RNGTT: variants seen among roughly 807,000 people sequenced by gnomAD.
RNGTT encodes RNA guanylyltransferase and 5'-phosphatase.
RNGTT carries 33 observed loss-of-function variants against 79.3 expected under a neutral mutation model. The ratio of observed to expected loss-of-function variants is 0.42; its 90% confidence interval spans 0.32 to 0.56. RNGTT has a LOEUF of 0.56. Ranked by LOEUF, RNGTT falls within the 20% of genes least tolerant of loss-of-function variation. The pLI, the probability that RNGTT is intolerant of heterozygous loss-of-function variation, is 0.17. For synonymous variants in RNGTT, 222 were observed against 235.9 expected, an observed-to-expected ratio of 0.94 and a Z score of 0.54; for missense variants, 497 against 739.1, an observed-to-expected ratio of 0.67 and a Z score of 3.80.
At chr6:88,642,028 TGAGAGA>T (rs138018201) in intron 14 of RNGTT, among the ~76,000 whole-genome samples, 1 of 149,502 alleles carries the variant, frequency 6.7e-6, no homozygotes, top group African/African-American at 2.4e-5. Context: ...CCTTGTCATT[TGAGAGA>T]GAGAGAGAGA....
At chr6:88,665,373 C>T (rs1490140943) in intron 14 of RNGTT, among the ~76,000 whole-genome samples, 1 of 152,160 alleles carries the variant, frequency 6.6e-6, no homozygotes, top group Non-Finnish European at 1.5e-5. Flanking sequence ...TCATCTTAAG[C>T]ACCTGAGGAC....
chr6:88,675,410 G>A (rs969426147), intron 14 of RNGTT, among the ~76,000 whole-genome samples: 2 of 152,142 alleles, frequency 1.3e-5, no homozygotes, highest in South Asian at 2.1e-4. Context: ...AGAAAAAGCA[G>A]GCCAGGGGTG....
At chr6:88,739,739 A>T (rs201796618) in intron 13 of RNGTT, among the ~76,000 whole-genome samples, 4 of 27,716 alleles carry the variant, frequency 1.4e-4, no homozygotes, top group African/African-American at 3.8e-4. Flanking sequence ...ATATATATAT[A>T]TATATATATA....
chr6:88,824,585 A>T (rs189905988), intron 11 of RNGTT, among the ~76,000 whole-genome samples: 11 of 152,304 alleles, frequency 7.2e-5, no homozygotes, highest in African/African-American at 2.4e-4. Flanking sequence ...GCACTACTCA[A>T]TAACCATGTT....
intron 13 of RNGTT, among the ~76,000 whole-genome samples, chr6:88,713,455 A>T (rs1286681019): frequency 1.3e-5 from 2 of 152,226 alleles, no homozygotes; most frequent in African/African-American, 4.8e-5. Flanking sequence ...GAAGGCAAAG[A>T]TGAAATGAAA....
At chr6:88,921,481 A>G (rs924529182) in intron 4 of RNGTT, among the ~76,000 whole-genome samples, 13 of 152,050 alleles carry the variant, frequency 8.5e-5, no homozygotes, top group African/African-American at 3.1e-4. Flanking sequence ...GAAGCTTGAA[A>G]CCTTTTCTAA....
intron 13 of RNGTT, among the ~76,000 whole-genome samples, chr6:88,763,515 C>T (rs73496493): frequency 0.023 from 3,542 of 152,258 alleles, 156 homozygotes; most frequent in African/African-American, 0.079. Flanking sequence ...TGTAAGGACT[C>T]CAATTTCTGT....
intron 13 of RNGTT, among the ~76,000 whole-genome samples, chr6:88,761,621 A>ACAAAAACAG (rs1409988203): frequency 3.9e-5 from 6 of 152,198 alleles, no homozygotes; most frequent in African/African-American, 1.4e-4. Context: ...GGCAAACTAT[A>ACAAAAACAG]GTCTACAGGC....
intron 13 of RNGTT, among the ~76,000 whole-genome samples, chr6:88,752,060 A>G (rs1224760694): frequency 6.6e-6 from 1 of 151,916 alleles, no homozygotes; most frequent in African/African-American, 2.4e-5. Context: ...TATGAGTTCC[A>G]TTTTCCAGAG....
intron 13 of RNGTT, among the ~76,000 whole-genome samples, chr6:88,742,218 T>A (rs1777515994): frequency 2.0e-5 from 3 of 152,116 alleles, no homozygotes; most frequent in Non-Finnish European, 4.4e-5. Context: ...GGTAGAAAGT[T>A]GAGCATTTAC....
chr6:88,923,116 C>T (rs1784213367), intron 4 of RNGTT, among the ~76,000 whole-genome samples: 1 of 152,196 alleles, frequency 6.6e-6, no homozygotes, highest in Non-Finnish European at 1.5e-5. Context: ...ACCACATCAG[C>T]AAGCACATAA....
chr6:88,820,913 A>G (rs1311669516), intron 11 of RNGTT, among the ~76,000 whole-genome samples: 1 of 152,104 alleles, frequency 6.6e-6, no homozygotes, highest in Non-Finnish European at 1.5e-5. Context: ...CACAATCCCA[A>G]CCAAAATCCC....
At chr6:88,648,471 TATA>T (rs200062814) in intron 14 of RNGTT, among the ~76,000 whole-genome samples, 135 of 147,062 alleles carry the variant, frequency 9.2e-4, no homozygotes, top group East Asian at 2.3e-3. Context: ...CTTAAAGTAT[TATA>T]ATAATAATAA....
At chr6:88,780,632 C>CAAA (rs36026829) in intron 12 of RNGTT, among the ~76,000 whole-genome samples, 7 of 150,614 alleles carry the variant, frequency 4.6e-5, no homozygotes, top group South Asian at 4.2e-4. Context: ...GGTGAGCTGT[C>CAAA]AAAAAAAAAC....
chr6:88,764,229 G>A (rs773277035), intron 13 of RNGTT, among the ~76,000 whole-genome samples: 2 of 152,126 alleles, frequency 1.3e-5, no homozygotes, highest in African/African-American at 2.4e-5. Context: ...CAGTTCTTTC[G>A]TAACAGACAA....
intron 4 of RNGTT, among the ~76,000 whole-genome samples, chr6:88,909,897 AC>A (rs1188776350): frequency 6.6e-6 from 1 of 151,914 alleles, no homozygotes; most frequent in Non-Finnish European, 1.5e-5. Context: ...CTCTGAAAGC[AC>A]CCAGAAATGA....
intron 12 of RNGTT, among the ~76,000 whole-genome samples, chr6:88,788,212 T>C (rs976421922): frequency 9.2e-5 from 14 of 152,060 alleles, no homozygotes; most frequent in Admixed American, 5.9e-4. Flanking sequence ...AAAAATGAAC[T>C]AAATTCATAG....
At chr6:88,643,776 C>T (rs1410539506) in intron 14 of RNGTT, among the ~76,000 whole-genome samples, 11 of 152,174 alleles carry the variant, frequency 7.2e-5, no homozygotes, top group Non-Finnish European at 1.2e-4. Flanking sequence ...GAAATGAAGG[C>T]AGAAATAAAG....
intron 1 of RNGTT, among the ~76,000 whole-genome samples, chr6:88,961,774 A>G (rs889251512): frequency 4.6e-5 from 7 of 152,242 alleles, no homozygotes; most frequent in African/African-American, 1.7e-4. Context: ...CACCTACCAT[A>G]TGATGCAGCC....
Sources: allele counts gnomAD v4.1 joint callset (sites outside exome capture counted in the v4.1 genomes callset), GRCh38; gene constraint gnomAD v4.1.1; transcripts MANE v1.5; gene names NCBI Gene and HGNC (gene_info 2026-07-23, HGNC 2026-07-21).